Variants in CLASP1 observed in about 807,000 individuals in gnomAD.
The protein encoded by CLASP1 is cytoplasmic linker associated protein 1, also known as CLIP-associating protein 1.
In CLASP1, 38 loss-of-function variants were observed where a neutral mutation model predicts 192.3. That is an observed-to-expected ratio of 0.20 (90% CI 0.15 to 0.26). CLASP1 has a LOEUF of 0.26. Among genes scored for constraint, CLASP1 ranks in the 10% least tolerant of loss-of-function variants. The pLI is 1.00. For missense variants in CLASP1, 1,433 were observed against 1,932.5 expected (o/e 0.74, Z 4.85); for synonymous variants, 691 against 712.8 (o/e 0.97, Z 0.49).
intron 2 of CLASP1, chr2:121,530,971 A>AT: frequency 1.4e-6 from 1 of 700,390 alleles, no homozygotes; most frequent in Non-Finnish European, 2.6e-6. Context: ...CGCATCAACT[A>AT]GAGCTTTTGC....
intron 34 of CLASP1, among the ~76,000 whole-genome samples, chr2:121,372,216 T>C (rs2068898687): frequency 2.0e-5 from 3 of 152,210 alleles, no homozygotes; most frequent in Admixed American, 2.0e-4. Context: ...TGTGACCTGT[T>C]ATCTCTTTGC....
intron 34 of CLASP1, among the ~76,000 whole-genome samples, chr2:121,368,975 C>T (rs1213829951): frequency 6.6e-6 from 1 of 152,162 alleles, no homozygotes; most frequent in Non-Finnish European, 1.5e-5. Context: ...CATCCTCATC[C>T]CTCTCCCTTC....
intron 8 of CLASP1, among the ~76,000 whole-genome samples, chr2:121,483,593 T>C (rs2150100657): frequency 6.6e-6 from 1 of 151,952 alleles, no homozygotes; most frequent in Non-Finnish European, 1.5e-5. Flanking sequence ...TATACATATA[T>C]ACACACACAC....
chr2:121,411,350 A>G (rs1328884606), intron 23 of CLASP1, among the ~76,000 whole-genome samples: 2 of 152,258 alleles, frequency 1.3e-5, no homozygotes, highest in African/African-American at 4.8e-5. Context: ...TCATGGTTTC[A>G]TAAGAGTTCT....
At chr2:121,339,390 C>A (rs1045838678) in exon 40 of CLASP1, 1 of 152,174 alleles carries the variant, frequency 6.6e-6, no homozygotes, top group Non-Finnish European at 1.5e-5. Context: ...ATAGCAAATA[C>A]GTTATTAGAA....
chr2:121,550,607 G>A (rs183359546), intron 2 of CLASP1, among the ~76,000 whole-genome samples: 1 of 152,192 alleles, frequency 6.6e-6, no homozygotes, highest in East Asian at 1.9e-4. Flanking sequence ...AAACTACTAT[G>A]CACACCTCTA....
At chr2:121,408,938 A>G (rs1355525665) in intron 24 of CLASP1, 1 of 1,057,822 alleles carries the variant, frequency 9.5e-7, no homozygotes, top group African/African-American at 1.6e-5. Flanking sequence ...TCTATACTAC[A>G]TTTTTTGGTT....
chr2:121,393,004 C>T (rs1391004680), intron 30 of CLASP1, among the ~76,000 whole-genome samples: 1 of 152,078 alleles, frequency 6.6e-6, no homozygotes, highest in Non-Finnish European at 1.5e-5. Flanking sequence ...GTGAAACACC[C>T]CAATATACTG....
At chr2:121,460,843 TG>T (rs1312156086) in intron 11 of CLASP1, among the ~76,000 whole-genome samples, 2 of 151,822 alleles carry the variant, frequency 1.3e-5, no homozygotes, top group African/African-American at 4.8e-5. Context: ...AAGGTGAGAG[TG>T]GAGACTATTA....
At chr2:121,479,192 C>T (rs1280144633) in intron 8 of CLASP1, among the ~76,000 whole-genome samples, 5 of 150,730 alleles carry the variant, frequency 3.3e-5, no homozygotes, top group Non-Finnish European at 7.4e-5. Context: ...CAGGGAAATC[C>T]GACCAGAAAA....
At chr2:121,353,592 A>G (rs1170202554) in intron 37 of CLASP1, among the ~76,000 whole-genome samples, 2 of 152,154 alleles carry the variant, frequency 1.3e-5, no homozygotes, top group African/African-American at 4.8e-5. Context: ...AAGCCTCACC[A>G]TGTGTATGCT....
intron 8 of CLASP1, among the ~76,000 whole-genome samples, chr2:121,488,481 C>T (rs1479642157): frequency 6.6e-6 from 1 of 152,200 alleles, no homozygotes; most frequent in Non-Finnish European, 1.5e-5. Context: ...CACTCATACC[C>T]AGTCTGAGGG....
chr2:121,420,506 G>C (rs757116458), intron 22 of CLASP1, among the ~76,000 whole-genome samples: 1 of 152,178 alleles, frequency 6.6e-6, no homozygotes, highest in Non-Finnish European at 1.5e-5. Context: ...CACTGGTCCA[G>C]CCACTTGGCC....
intron 30 of CLASP1, among the ~76,000 whole-genome samples, chr2:121,395,006 C>A (rs895312922): frequency 2.6e-5 from 4 of 152,110 alleles, no homozygotes; most frequent in African/African-American, 9.7e-5. Flanking sequence ...TAGCTTTGAA[C>A]AAGCAAACTT....
At chr2:121,519,647 T>C (rs768149882) in intron 6 of CLASP1, among the ~76,000 whole-genome samples, 16 of 152,230 alleles carry the variant, frequency 1.1e-4, no homozygotes, top group Non-Finnish European at 2.2e-4. Context: ...TTTGTATCTA[T>C]AAAGCAATCA....
chr2:121,400,399 A>G (rs774375220), intron 28 of CLASP1, among the ~76,000 whole-genome samples: 4 of 152,178 alleles, frequency 2.6e-5, no homozygotes, highest in Non-Finnish European at 5.9e-5. Context: ...ACAGACGCAT[A>G]CTTTGAAGTC....
At chr2:121,461,191 A>C in exon 11 of CLASP1, 3 of 1,555,922 alleles carry the variant, frequency 1.9e-6, no homozygotes, top group African/African-American at 1.4e-5. Flanking sequence ...GGCTGGAATA[A>C]ATCTGTAAGC....
At chr2:121,341,487 C>A (rs1469791758) in intron 39 of CLASP1, among the ~76,000 whole-genome samples, 1 of 152,142 alleles carries the variant, frequency 6.6e-6, no homozygotes, top group Non-Finnish European at 1.5e-5. Context: ...AATCAAAAGA[C>A]AGAAATGGGC....
At chr2:121,606,797 C>A (rs758104484) in intron 1 of CLASP1, among the ~76,000 whole-genome samples, 2 of 152,202 alleles carry the variant, frequency 1.3e-5, no homozygotes, top group African/African-American at 4.8e-5. Flanking sequence ...GTGGCTCACG[C>A]CTGTAATCCC....
Sources: gnomAD v4.1 joint callset for allele counts (sites outside exome capture counted in the v4.1 genomes callset) on GRCh38, gnomAD v4.1.1 for gene constraint, MANE v1.5 for transcripts, NCBI Gene and HGNC (gene_info 2026-07-23, HGNC 2026-07-21) for gene names.